The following CAST variants were observed in gnomAD, a reference collection of about 807,000 sequenced individuals.
The protein encoded by CAST is calpastatin.
A neutral mutation model predicts 119.6 loss-of-function variants in CAST; 76 were observed. The observed-to-expected ratio is 0.64, with a 90% CI of 0.53 to 0.77. The LOEUF (loss-of-function observed/expected upper bound fraction) is 0.77. Among genes scored for constraint, CAST ranks in the 30% least tolerant of loss-of-function variants. CAST has a pLI of 0.00. For synonymous variants in CAST, 319 were observed against 331.6 expected, an observed-to-expected ratio of 0.96 and a Z score of 0.41; for missense variants, 953 against 946.5, an observed-to-expected ratio of 1.01 and a Z score of -0.09.
chr5:96,545,304 A>T (rs1745989505), intron 1 of CAST: 1 of 152,234 alleles, frequency 6.6e-6, no homozygotes, highest in Admixed American at 6.5e-5. Context: ...TTTAATAAGA[A>T]TCTGCATTTC....
At chr5:95,976,043 C>T in the CAST span, among the ~76,000 whole-genome samples, 1 of 152,076 alleles carries the variant, frequency 6.6e-6, no homozygotes, top group African/African-American at 2.4e-5. Context: ...CTCCCAAGCA[C>T]ATTTCTCAAA....
the CAST span, chr5:96,416,139 A>T: frequency 2.5e-5 from 38 of 1,532,082 alleles, no homozygotes; most frequent in Non-Finnish European, 3.3e-5. Flanking sequence ...TTGAAAAATA[A>T]GAATTATAAA....
the CAST span, among the ~76,000 whole-genome samples, chr5:96,512,485 A>C: frequency 6.6e-6 from 1 of 152,196 alleles, no homozygotes; most frequent in Admixed American, 6.5e-5. Flanking sequence ...AACCTCATTA[A>C]GTTTTGTTAA....
the CAST span, among the ~76,000 whole-genome samples, chr5:96,049,410 T>G: frequency 9.2e-5 from 14 of 152,322 alleles, no homozygotes; most frequent in African/African-American, 3.4e-4. Context: ...AATATAGTTC[T>G]TATTAATTTT....
At chr5:96,094,343 A>G in the CAST span, among the ~76,000 whole-genome samples, 16 of 152,316 alleles carry the variant, frequency 1.1e-4, no homozygotes, top group South Asian at 4.1e-4. Context: ...TAAGGGAGCC[A>G]GTAATACTCA....
chr5:96,576,206 G>A lies in CAST; in HGVS notation c.60+46326G>A, dbSNP rs192760809. 1.3e-3 allele frequency among the ~76,000 whole-genome samples: 191 copies of A among 152,046 alleles called. 4 individuals are homozygous for A. Among genetic ancestry groups the A allele is most frequent in the Admixed American group, 0.01 (160 of 15,274 alleles). ...ACTATCTTTGTCTGATTTTGGTATC[G>A]GGGCAACACTGGCCAGATAAAATGA... On this transcript the variant is annotated intron_variant, in intron 1 of 11. Coordinates refer to the CAST transcript ENST00000505143.
At chr5:96,483,119 C>T in the CAST span, among the ~76,000 whole-genome samples, 1 of 152,112 alleles carries the variant, frequency 6.6e-6, no homozygotes, top group Non-Finnish European at 1.5e-5. Flanking sequence ...GAAAAAACAA[C>T]ACTAAAGAAA....
At chr5:96,734,334 G>C (rs1258418769) in intron 9 of CAST, among the ~76,000 whole-genome samples, 4 of 152,312 alleles carry the variant, frequency 2.6e-5, no homozygotes, top group Non-Finnish European at 4.4e-5. Context: ...ATGGGGTGAT[G>C]CAATTGAATC....
At chr5:96,750,007 A>G (rs982730293) in intron 19 of CAST, among the ~76,000 whole-genome samples, 4 of 152,128 alleles carry the variant, frequency 2.6e-5, no homozygotes, top group Non-Finnish European at 4.4e-5. Flanking sequence ...CCGCATTTCT[A>G]GGTTCCCTTA....
At chr5:96,412,750 A>ATGTTTTTTTTTGTT in the CAST span, among the ~76,000 whole-genome samples, 1 of 63,388 alleles carries the variant, frequency 1.6e-5, no homozygotes, top group African/African-American at 7.9e-5. Flanking sequence ...GGCAGCTGTG[A>ATGTTTTTTTTTGTT]TGTTTTTTTT....
At chr5:95,990,530 C>T in the CAST span, among the ~76,000 whole-genome samples, 2 of 151,904 alleles carry the variant, frequency 1.3e-5, no homozygotes, top group South Asian at 2.1e-4. Context: ...TCTACAGTCC[C>T]ACCAGTCACC....
At chr5:96,014,222 G>A in the CAST span, among the ~76,000 whole-genome samples, 1 of 150,090 alleles carries the variant, frequency 6.7e-6, no homozygotes, top group Non-Finnish European at 1.5e-5. Context: ...AGGCCTACAC[G>A]GGGTCAGGAT....
chr5:96,469,582 C>T, the CAST span, among the ~76,000 whole-genome samples: 12 of 151,876 alleles, frequency 7.9e-5, no homozygotes, highest in Non-Finnish European at 1.6e-4. Flanking sequence ...CAATTACAAA[C>T]TGACATGAGA....
the CAST span, among the ~76,000 whole-genome samples, chr5:96,366,639 A>G: frequency 6.6e-6 from 1 of 152,126 alleles, no homozygotes; most frequent in African/African-American, 2.4e-5. Flanking sequence ...AAGCTTGTGC[A>G]TTTGTCATGT....
At chr5:96,350,626 C>T in the CAST span, among the ~76,000 whole-genome samples, 4 of 152,022 alleles carry the variant, frequency 2.6e-5, no homozygotes, top group Admixed American at 6.6e-5. Flanking sequence ...GGCAGGTTTG[C>T]CTGACACAAT....
chr5:95,963,169 C>A, the CAST span, among the ~76,000 whole-genome samples: 7 of 152,172 alleles, frequency 4.6e-5, no homozygotes, highest in Admixed American at 6.5e-5. Flanking sequence ...TGTTTTTACC[C>A]TCAGCTTATA....
Position 96,689,171 on chromosome 5 carries a change from A to G in CAST, c.139-6665A>G, listed in dbSNP as rs1272973226. On this transcript the variant is annotated intron_variant, in intron 2 of 31. Coordinates refer to ENST00000675179, the MANE Select transcript of CAST (RefSeq NM_001750.7). ...GTGATCTTTTCTCTGAAAGCTACAC[A>G]CATGTACGAATACAAAAAATACTCT... 2.0e-5 allele frequency among the ~76,000 whole-genome samples: 3 copies of G among 152,368 alleles called. No individual in the cohort carries two copies. The East Asian group carries it at 5.8e-4, about 29-fold the overall frequency.
chr5:96,583,895 G>A (rs761523023), intron 1 of CAST, among the ~76,000 whole-genome samples: 24 of 152,328 alleles, frequency 1.6e-4, no homozygotes, highest in Non-Finnish European at 2.8e-4. Context: ...TAGTGGTAGA[G>A]GGGGTAGACA....
chr5:96,192,742 C>A, the CAST span, among the ~76,000 whole-genome samples: 1 of 152,168 alleles, frequency 6.6e-6, no homozygotes, highest in African/African-American at 2.4e-5. Flanking sequence ...ACATTCCAAG[C>A]AAGAGCTACT....
Sources: allele counts gnomAD v4.1 joint callset (sites outside exome capture counted in the v4.1 genomes callset), GRCh38; gene constraint gnomAD v4.1.1; transcripts MANE v1.5; gene names NCBI Gene and HGNC (gene_info 2026-07-23, HGNC 2026-07-21).